Variants in FOXP2 observed in about 807,000 individuals in gnomAD.
The protein encoded by FOXP2 is forkhead box protein P2.
In FOXP2, 12 loss-of-function variants were observed where a neutral mutation model predicts 115.8. The ratio of observed to expected loss-of-function variants is 0.10; its 90% CI spans 0.07 to 0.17. The LOEUF is 0.17. Among genes scored for constraint, FOXP2 ranks in the 10% least tolerant of loss-of-function variants. The pLI, the probability that FOXP2 is intolerant of heterozygous loss-of-function variation, is 1.00. For synonymous variants in FOXP2, 328 were observed against 297.7 expected (o/e 1.10, Z -1.05); for missense variants, 629 against 843.5 (o/e 0.75, Z 3.15).
intron 3 of FOXP2, 107 bp from the exon 4 acceptor site, chr7:114,628,433 C>G: frequency 6.9e-7 from 1 of 1,439,372 alleles, no homozygotes; most frequent in East Asian, 2.3e-5. Flanking sequence ...AATTATTGAT[C>G]ATCAATGCTA....
chr7:114,328,081 T>A (rs1454656912), intron 2 of FOXP2, among the ~76,000 whole-genome samples: 1 of 150,584 alleles, frequency 6.6e-6, no homozygotes, highest in African/African-American at 2.4e-5. Flanking sequence ...CCACCATATT[T>A]GGCTAATTTT....
intron 1 of FOXP2, among the ~76,000 whole-genome samples, chr7:114,223,950 T>A (rs1794685096): frequency 6.6e-6 from 1 of 152,128 alleles, no homozygotes; most frequent in Non-Finnish European, 1.5e-5. Context: ...TTTATGTTCT[T>A]ATAAAGGCTT....
chr7:114,496,147 T>C (rs555393496), intron 2 of FOXP2, among the ~76,000 whole-genome samples: 1 of 152,226 alleles, frequency 6.6e-6, no homozygotes, highest in South Asian at 2.1e-4. Context: ...TCTATAATAA[T>C]CCTAGTATGA....
At chr7:114,491,187 T>C (rs1314507553) in intron 2 of FOXP2, among the ~76,000 whole-genome samples, 1 of 152,230 alleles carries the variant, frequency 6.6e-6, no homozygotes, top group South Asian at 2.1e-4. Context: ...GACTTTTTAA[T>C]GATCATCATT....
chr7:114,389,665 A>C (rs1792539024), intron 2 of FOXP2, among the ~76,000 whole-genome samples: 1 of 152,206 alleles, frequency 6.6e-6, no homozygotes, highest in Admixed American at 6.5e-5. Context: ...ATGAAATTTC[A>C]AAGTGGACCA....
chr7:114,346,526 A>T (rs1204134150), intron 2 of FOXP2, among the ~76,000 whole-genome samples: 1 of 151,884 alleles, frequency 6.6e-6, no homozygotes, highest in Non-Finnish European at 1.5e-5. Context: ...GAATCAAACT[A>T]AGTGTCCAAT....
At chr7:114,296,757 G>T (rs983141578) in intron 2 of FOXP2, among the ~76,000 whole-genome samples, 1 of 152,126 alleles carries the variant, frequency 6.6e-6, no homozygotes, top group Admixed American at 6.5e-5. Flanking sequence ...TCTCTTATAT[G>T]ATTGCTAGGT....
chr7:114,405,112 C>G (rs912708803), intron 2 of FOXP2, among the ~76,000 whole-genome samples: 7 of 151,622 alleles, frequency 4.6e-5, no homozygotes, highest in African/African-American at 1.7e-4. Flanking sequence ...GAATATGTGG[C>G]CCCCTATTAA....
chr7:114,471,098 C>A (rs183407320), intron 2 of FOXP2, among the ~76,000 whole-genome samples: 6 of 152,248 alleles, frequency 3.9e-5, no homozygotes, highest in Non-Finnish European at 5.9e-5. Flanking sequence ...TTTGCCTTGT[C>A]TGTATTCTTC....
intron 3 of FOXP2, among the ~76,000 whole-genome samples, chr7:114,545,130 T>C (rs1799853539): frequency 6.6e-6 from 1 of 152,174 alleles, no homozygotes; most frequent in South Asian, 2.1e-4. Flanking sequence ...ATAAGAACCC[T>C]GAACTGTTCT....
In FOXP2 at chr7:114,692,173, A is replaced by G. The variant is rs911725801; in HGVS notation, c.*2247A>G. On this transcript the variant is annotated 3_prime_UTR_variant, in exon 17 of 17. Transcript: ENST00000350908. The stretch of plus-strand genomic sequence containing the variant: ...AAGGAAAAATGGGTCTTTCAGGTGC[A>G]TGTTCAAAAGGCTTTGAGGGACTGG... 1.3e-5 allele frequency: 6 copies of G among 453,806 alleles called. No homozygotes were observed. The highest frequency in any genetic ancestry group is 1.2e-4 in the African/African-American group (6 of 49,984). 28.1% of individuals were successfully genotyped at this position (453,806 alleles called of 1,614,324 possible).
rs192376408 is a variant in FOXP2 at position 114,207,480 on chromosome 7, A to G, written c.-102+44392A>G. Among the ~76,000 whole-genome samples, 231 of 152,348 alleles carry G rather than the reference A, an allele frequency of 1.5e-3. 1 individual carries two copies. The highest frequency in any genetic ancestry group is 5.2e-3 in the African/African-American group (216 of 41,574). Reference sequence around the variant, plus strand: ...TGCTTTTTATTTTCATTTCATAAATACAGTATAAAACATTTAGCTTGTAAG... The same window carrying G: ...TGCTTTTTATTTTCATTTCATAAATGCAGTATAAAACATTTAGCTTGTAAG... On this transcript the variant is annotated intron_variant, in intron 1 of 17. Transcript: ENST00000634411.
chr7:114,174,766 CCAG>C (rs1175037081), intron 1 of FOXP2, among the ~76,000 whole-genome samples: 2 of 152,066 alleles, frequency 1.3e-5, no homozygotes, highest in African/African-American at 4.8e-5. Flanking sequence ...TAGCAAGGCA[CCAG>C]TTTCCTGAGA....
At chr7:114,539,422 T>G (rs569038669) in intron 3 of FOXP2, among the ~76,000 whole-genome samples, 1 of 152,044 alleles carries the variant, frequency 6.6e-6, no homozygotes, top group Admixed American at 6.6e-5. Context: ...CCAGAAAAAT[T>G]GAGATACGGG....
At chr7:114,561,758 A>T (rs1223592105) in intron 3 of FOXP2, among the ~76,000 whole-genome samples, 1 of 151,950 alleles carries the variant, frequency 6.6e-6, no homozygotes, top group African/African-American at 2.4e-5. Flanking sequence ...ATGACCTTGG[A>T]CCTATCTTTT....
At chr7:114,177,542 A>G (rs868391135) in intron 1 of FOXP2, among the ~76,000 whole-genome samples, 4 of 152,186 alleles carry the variant, frequency 2.6e-5, no homozygotes, top group Middle Eastern at 3.4e-3. Context: ...ATTTTTTACA[A>G]TCAAATAATA....
chr7:114,571,477 C>T (rs1801299618), intron 3 of FOXP2, among the ~76,000 whole-genome samples: 1 of 151,816 alleles, frequency 6.6e-6, no homozygotes, highest in African/African-American at 2.4e-5. Context: ...AGCATAGATT[C>T]TACCTGCATT....
rs776653007 is a variant in FOXP2 at position 114,495,483 on chromosome 7, C to CTCTTTTTTTTTTTTTTTTTTTTT, written c.169-39133_169-39132insCTTTTTTTTTTTTTTTTTTTTTT. Among the ~76,000 whole-genome samples, 4 of 61,446 alleles carry CTCTTTTTTTTTTTTTTTTTTTTT rather than the reference C, an allele frequency of 6.5e-5. 1 individual carries two copies. Among genetic ancestry groups the CTCTTTTTTTTTTTTTTTTTTTTT allele is most frequent in the African/African-American group, 2.1e-4 (3 of 14,466 alleles). 40.3% of individuals were successfully genotyped at this position (61,446 alleles called of 152,430 possible). A position where few individuals can be genotyped will look rare whatever the true frequency, so the allele number is the denominator to read the frequency against. ...TTCTTTGTTTTTTCTTTCTCTCTCT[C>CTCTTTTTTTTTTTTTTTTTTTTT]TTTTTTTTTTTTTTTTTTTTTTTTT... On this transcript the variant is annotated intron_variant, in intron 2 of 16. Transcript: ENST00000350908.
chr7:114,498,886 G>T (rs1584812023), intron 2 of FOXP2: 1 of 717,830 alleles, frequency 1.4e-6, no homozygotes, highest in Non-Finnish European at 2.6e-6. Flanking sequence ...TCCTCAGGAG[G>T]ATGTTGTCTC....
Sources: gnomAD v4.1 joint callset for allele counts (sites outside exome capture counted in the v4.1 genomes callset) on GRCh38, gnomAD v4.1.1 for gene constraint, MANE v1.5 for transcripts, NCBI Gene and HGNC (gene_info 2026-07-23, HGNC 2026-07-21) for gene names.